The following MAEL variants were observed in gnomAD, a reference collection of about 807,000 sequenced individuals.
The protein encoded by MAEL is maelstrom spermatogenic transposon silencer.
A neutral mutation model predicts 62.0 loss-of-function variants in MAEL; 46 were observed. The ratio of observed to expected loss-of-function variants is 0.74; its 90% CI spans 0.59 to 0.95. The LOEUF is 0.95. Among genes scored for constraint, MAEL ranks in the 40% least tolerant of loss-of-function variants. The pLI, the probability that MAEL is intolerant of heterozygous loss-of-function variation, is 0.00. For synonymous variants in MAEL, 172 were observed against 175.5 expected (o/e 0.98, Z 0.16); for missense variants, 497 against 526.8 (o/e 0.94, Z 0.55).
At position 167,004,077 on chromosome 1, in the gene MAEL, CTG is replaced by C. The variant is rs138281843; in HGVS notation, c.524-97_524-96del. 2.0e-3 allele frequency: 1,897 copies of C among 971,216 alleles called. 3 individuals are homozygous for C. The highest frequency in any genetic ancestry group is 2.6e-3 in the Non-Finnish European group (1,677 of 650,314). The allele number at this position is 971,216 out of a possible 1,614,324, so 60.2% of individuals were successfully genotyped here. On this transcript the variant is annotated intron_variant, in intron 5 of 11. Transcript: ENST00000367872. Reference sequence around the variant, plus strand: ...AACGGGGCTTTGTACAAGTACTTAACTGTGTGTTACCCACTACTCTCTTCTTG... The same window carrying C: ...AACGGGGCTTTGTACAAGTACTTAACTGTGTTACCCACTACTCTCTTCTTG...
chr1:167,005,557 T>C (rs1571262965), intron 8 of MAEL, 160 bp downstream of exon 8: 1 of 488,232 alleles, frequency 2.0e-6, no homozygotes, highest in South Asian at 4.5e-5. Context: ...TAAGATATAT[T>C]GTTACTTGTG....
At chr1:167,000,330 T>A (rs1450851058) in intron 5 of MAEL, among the ~76,000 whole-genome samples, 2 of 152,188 alleles carry the variant, frequency 1.3e-5, no homozygotes, top group South Asian at 2.1e-4. Context: ...CTCTCATGAA[T>A]GACTTTGAGC....
At chr1:166,997,992 A>T (rs964173353) in intron 5 of MAEL, among the ~76,000 whole-genome samples, 2 of 152,160 alleles carry the variant, frequency 1.3e-5, no homozygotes, top group African/African-American at 2.4e-5. Flanking sequence ...CCTGTATCAT[A>T]TCATGTTTCT....
intron 2 of MAEL, 27 bp downstream of exon 2, chr1:166,989,856 A>G (rs903559448): frequency 8.3e-6 from 13 of 1,568,202 alleles, no homozygotes; most frequent in Admixed American, 3.5e-5. Flanking sequence ...AAGAGCCGCC[A>G]TCTGCCTGGC....
intron 4 of MAEL, 68 bp from the exon 5 acceptor site, chr1:166,993,960 T>C: frequency 8.4e-7 from 1 of 1,185,414 alleles, no homozygotes; most frequent in East Asian, 2.4e-5. Context: ...GGTCATCTTG[T>C]AGAGTATTAC....
intron 6 of MAEL, 117 bp downstream of exon 6, chr1:167,004,421 CTCATTTTG>C: frequency 1.1e-6 from 1 of 884,922 alleles, no homozygotes; most frequent in Non-Finnish European, 1.6e-6. Context: ...TTAAAACACA[CTCATTTTG>C]AATTGTTTTG....
Position 167,004,997 on chromosome 1 carries a change from A to G in MAEL, c.649-79A>G, listed in dbSNP as rs1015578754. On this transcript the variant is annotated intron_variant, in intron 6 of 11. Transcript: ENST00000367872. ...CTCCCAACCCCCACATTTTGAAAGG[A>G]CAGCATTAGAAGTCATTCAAAGTAG... The G allele has an allele frequency of 2.2e-6, 3 of 1,374,668 alleles. No homozygotes were observed. In the African/African-American group the frequency reaches 4.3e-5, roughly 20 times the overall value. The allele number at this position is 1,374,668 out of a possible 1,614,324, so 85.2% of individuals were successfully genotyped here. A position where few individuals can be genotyped will look rare whatever the true frequency, so the allele number is the denominator to read the frequency against.
chr1:166,989,701 G>A (rs1236254990), intron 1 of MAEL, 36 bp from the exon 2 acceptor site: 1 of 1,597,620 alleles, frequency 6.3e-7, no homozygotes. Context: ...GATCCTCACG[G>A]CTGTTTCTCT....
chr1:166,992,692 T>C lies in MAEL; in HGVS notation c.332T>C (p.Leu111Pro). The stretch of plus-strand genomic sequence containing the variant: ...TCTTACAATTTTTTTTTAGCTCTCC[T>C]TGGAGGCATTTTTTATTTTTTGAAC... Reference protein sequence around the residue: ...ALSLKGDQALLGGIFYFLNIF... With the variant: ...ALSLKGDQALPGGIFYFLNIF... The change falls in exon 4 of 12, where the codon CTT becomes CCT. Residue 111 changes from leucine to proline, a missense_variant. Leu to Pro is a moderately conservative substitution (Grantham distance 98). Transcript: ENST00000367872. 1.3e-6 allele frequency: 2 copies of C among 1,589,410 alleles called. No individual in the cohort carries two copies. Among genetic ancestry groups the C allele is most frequent in the Middle Eastern group, 1.7e-4 (1 of 5,934 alleles).
intron 1 of MAEL, among the ~76,000 whole-genome samples, chr1:166,983,577 C>T (rs1028313735): frequency 3.3e-5 from 5 of 152,084 alleles, no homozygotes; most frequent in African/African-American, 1.2e-4. Context: ...CTTGATCCAC[C>T]CCCTCCACAT....
chr1:167,010,949 G>T (rs746795220), intron 8 of MAEL, among the ~76,000 whole-genome samples: 8 of 151,848 alleles, frequency 5.3e-5, no homozygotes, highest in Non-Finnish European at 1.2e-4. Context: ...TGGGAGTGTG[G>T]TTGTAGGTTC....
Position 167,021,915 on chromosome 1 carries a change from G to A in MAEL, c.*60G>A. The A allele has an allele frequency of 9.0e-7, 1 of 1,116,452 alleles. No homozygotes were observed. Among genetic ancestry groups the A allele is most frequent in the South Asian group, 1.5e-5 (1 of 67,148 alleles). 69.2% of individuals were successfully genotyped at this position (1,116,452 alleles called of 1,614,324 possible). On this transcript the variant is annotated 3_prime_UTR_variant, in exon 12 of 12. Transcript: ENST00000367872. ...CAGGCCCAACTTCCTTCTTACTACA[G>A]TCATATTAAACAGATCACATCAATG...
At chr1:167,005,594 A>C in intron 8 of MAEL, 197 bp downstream of exon 8, 1 of 455,112 alleles carries the variant, frequency 2.2e-6, no homozygotes, top group Non-Finnish European at 3.8e-6. Flanking sequence ...CCTGCCAAAT[A>C]AACTGTTCTT....
chr1:166,985,764 C>A (rs1397960145), upstream of MAEL, among the ~76,000 whole-genome samples: 1 of 152,114 alleles, frequency 6.6e-6, no homozygotes, highest in Non-Finnish European at 1.5e-5. Context: ...TGACCAGCAT[C>A]CAATCAAATA....
In MAEL at chr1:166,978,842, A is replaced by G. The variant is rs139224682; in HGVS notation, c.-121+3176A>G. 1.8e-3 allele frequency among the ~76,000 whole-genome samples: 276 copies of G among 152,328 alleles called. 1 individual carries two copies. Among genetic ancestry groups the G allele is most frequent in the Middle Eastern group, 0.014 (4 of 294 alleles). ...CAAGGAAGGGGTCTGGCTCTGCAATACTTCAAACTTTCTACTGCAATGAGA... is the reference window on the plus strand; with the variant it reads ...CAAGGAAGGGGTCTGGCTCTGCAATGCTTCAAACTTTCTACTGCAATGAGA... On this transcript the variant is annotated intron_variant, in intron 1 of 12. Transcript: ENST00000622874.
chr1:167,013,449 T>A (rs951357122), intron 8 of MAEL, among the ~76,000 whole-genome samples: 11 of 152,316 alleles, frequency 7.2e-5, no homozygotes, highest in African/African-American at 2.6e-4. Flanking sequence ...TCAGTGTCGA[T>A]GAGGGTTGAA....
At chr1:167,011,870 T>C (rs946816338) in intron 8 of MAEL, among the ~76,000 whole-genome samples, 6 of 152,304 alleles carry the variant, frequency 3.9e-5, no homozygotes, top group Non-Finnish European at 5.9e-5. Context: ...TGTTTTATAA[T>C]TGAAGAAATA....
At chr1:166,992,337 C>T (rs576516566) in intron 3 of MAEL, among the ~76,000 whole-genome samples, 3 of 152,146 alleles carry the variant, frequency 2.0e-5, no homozygotes, top group African/African-American at 4.8e-5. Flanking sequence ...TGCTCAGCTT[C>T]GTTTCCCAGA....
At chr1:166,999,832 G>A (rs2102086708) in intron 5 of MAEL, among the ~76,000 whole-genome samples, 1 of 152,244 alleles carries the variant, frequency 6.6e-6, no homozygotes, top group South Asian at 2.1e-4. Context: ...AAATCTTAGA[G>A]CTCTTAGGAA....
Sources: gnomAD v4.1 joint callset for allele counts (sites outside exome capture counted in the v4.1 genomes callset) on GRCh38, gnomAD v4.1.1 for gene constraint, MANE v1.5 for transcripts, NCBI Gene and HGNC (gene_info 2026-07-23, HGNC 2026-07-21) for gene names.